The following NEK4 variants were observed in gnomAD, a reference collection of about 807,000 sequenced individuals.
NEK4 encodes the protein serine/threonine-protein kinase Nek4.
A neutral mutation model predicts 98.4 loss-of-function variants in NEK4; 86 were observed. The observed-to-expected ratio is 0.87, with a 90% CI of 0.73 to 1.05. The LOEUF (loss-of-function observed/expected upper bound fraction) is 1.05, where lower values mean the gene tolerates loss of function less well. NEK4 is among the 50% of genes least tolerant of loss of function. The pLI, the probability that NEK4 is intolerant of heterozygous loss-of-function variation, is 0.00. For missense variants in NEK4, 898 were observed against 950.3 expected (o/e 0.94, Z 0.72); for synonymous variants, 328 against 342.2 (o/e 0.96, Z 0.46).
intron 2 of NEK4, among the ~76,000 whole-genome samples, chr3:52,767,735 AAG>A (rs970895687): frequency 5.3e-5 from 8 of 152,068 alleles, no homozygotes; most frequent in Non-Finnish European, 1.0e-4. Context: ...AAAAAAAAAA[AAG>A]AGAGAAAGTA....
At chr3:52,743,675 G>C (rs1464508728) in intron 11 of NEK4, among the ~76,000 whole-genome samples, 1 of 152,174 alleles carries the variant, frequency 6.6e-6, no homozygotes, top group African/African-American at 2.4e-5. Flanking sequence ...TAACTCCTCA[G>C]AGCCTCTGTT....
intron 6 of NEK4, chr3:52,753,905 C>T: frequency 2.9e-6 from 1 of 348,246 alleles, no homozygotes; most frequent in Non-Finnish European, 5.6e-6. Context: ...CGCGGTGGCT[C>T]ACACCTATAA....
At position 52,711,647 on chromosome 3, in the gene NEK4, G is replaced by T; in HGVS notation, c.*130C>A. 3 of 633,172 alleles carry T rather than the reference G, an allele frequency of 4.7e-6. No homozygotes were observed. The South Asian group carries it at 6.4e-5, about 13-fold the overall frequency. The allele number at this position is 633,172 out of a possible 1,614,324, so 39.2% of individuals were successfully genotyped here. A position where few individuals can be genotyped will look rare whatever the true frequency, so the allele number is the denominator to read the frequency against. ...TCCAATTTCTTTTCTGTAGGGAAAC[G>T]CCAAAGAGATATAAAAAAGAGATAT... On this transcript the variant is annotated 3_prime_UTR_variant, in exon 16 of 16. Transcript: ENST00000233027.
Position 52,737,737 on chromosome 3 carries a change from A to T in NEK4, c.2300-18T>A. The stretch of plus-strand genomic sequence containing the variant: ...CATAATAGCTAAAAGGCAACAACAA[A>T]GACAAAGGGAAAAATAAACACTTTT... On this transcript the variant is annotated intron_variant, in intron 14 of 15. Coordinates refer to ENST00000233027, the MANE Select transcript of NEK4 (RefSeq NM_003157.6). 6.3e-7 allele frequency: 1 copy of T among 1,585,586 alleles called. No homozygotes were observed. Among genetic ancestry groups the T allele is most frequent in the South Asian group, 1.2e-5 (1 of 86,182 alleles).
chr3:52,727,427 G>A (rs1448134126), intron 15 of NEK4, among the ~76,000 whole-genome samples: 1 of 152,174 alleles, frequency 6.6e-6, no homozygotes, highest in Non-Finnish European at 1.5e-5. Context: ...AACCACAGTG[G>A]GATGAAGTTA....
At chr3:52,747,331 T>C in intron 8 of NEK4, 1 of 175,720 alleles carries the variant, frequency 5.7e-6, no homozygotes, top group Middle Eastern at 2.6e-3. Context: ...GGCACGCACC[T>C]GTAATCCCAG....
chr3:52,760,662 T>C (rs955960140), intron 6 of NEK4, 133 bp downstream of exon 6: 10 of 724,938 alleles, frequency 1.4e-5, no homozygotes, highest in Non-Finnish European at 2.1e-5. Context: ...GTATTCTTTC[T>C]TTACAGTAAG....
At chr3:52,730,378 CCTT>C (rs1261324232) in intron 15 of NEK4, among the ~76,000 whole-genome samples, 1 of 152,182 alleles carries the variant, frequency 6.6e-6, no homozygotes, top group East Asian at 1.9e-4. Context: ...TGATGCCAAT[CCTT>C]CTCAAACTTT....
rs773949439 is a variant in NEK4 at position 52,746,123 on chromosome 3, G to T, written c.1765C>A (p.Gln589Lys). ...VTSTQKEAENQRRVVTGSVSS... is the reference protein window; with the variant it reads ...VTSTQKEAENKRRVVTGSVSS... ...ACAGACCCAGTGACCACTCTACGTT[G>T]GTTTTCAGCCTCTTTTTGTGTTGAT... The change falls in exon 10 of 16, where the codon CAA becomes AAA. Residue 589 changes from glutamine to lysine, a missense_variant. Coordinates refer to ENST00000233027, the MANE Select transcript of NEK4 (RefSeq NM_003157.6). The T allele has an allele frequency of 6.2e-7, 1 of 1,614,068 alleles. No individual in the cohort carries two copies. Among genetic ancestry groups the T allele is most frequent in the Non-Finnish European group, 8.5e-7 (1 of 1,179,968 alleles).
chr3:52,737,564 A>T, intron 15 of NEK4, 22 bp downstream of exon 15: 1 of 1,612,464 alleles, frequency 6.2e-7, no homozygotes. Flanking sequence ...AAGCATCTTG[A>T]TACAGTTAAT....
chr3:52,737,510 T>C (rs757081383), intron 15 of NEK4, 76 bp downstream of exon 15: 2 of 1,462,680 alleles, frequency 1.4e-6, no homozygotes, highest in Non-Finnish European at 9.6e-7. Flanking sequence ...AATTGTTATG[T>C]GTGATTTATA....
Position 52,766,245 on chromosome 3 carries a change from C to G in NEK4, c.491G>C (p.Ser164Thr), listed in dbSNP as rs762422817. The change falls in exon 3 of 16, where the codon AGC becomes ACC. Residue 164 changes from serine (S) to threonine (T), a missense_variant. Coordinates refer to ENST00000233027, the MANE Select transcript of NEK4 (RefSeq NM_003157.6). ...GTAGTAGGGTGTGCCAATGAGGGTG[C>G]TAGCCATGTCACAGTGGTTCTCTAA... ...RVLENHCDMASTLIGTPYYMS... is the reference protein window; with the variant it reads ...RVLENHCDMATTLIGTPYYMS... The G allele has an allele frequency of 6.2e-7, 1 of 1,614,114 alleles. No individual in the cohort carries two copies. Among genetic ancestry groups the G allele is most frequent in the East Asian group, 2.2e-5 (1 of 44,880 alleles).
intron 8 of NEK4, among the ~76,000 whole-genome samples, chr3:52,748,281 A>C (rs2097399803): frequency 6.6e-6 from 1 of 152,076 alleles, no homozygotes; most frequent in Non-Finnish European, 1.5e-5. Flanking sequence ...TTTTTTAATA[A>C]ATTAAAAAGA....
Position 52,766,353 on chromosome 3 carries a change from A to C in NEK4, c.383T>G (p.Leu128Arg), listed in dbSNP as rs774018771. The C allele has an allele frequency of 2.5e-6, 4 of 1,613,384 alleles. No homozygotes were observed. The highest frequency in any genetic ancestry group is 3.4e-6 in the Non-Finnish European group (4 of 1,179,422). ...ATTTTGAGTTTTCAGATCTCGATGA[A>C]GGATGTGTTTTTCATGTAAATACTG... Reference protein sequence around the residue: ...ALQYLHEKHILHRDLKTQNVF... With the variant: ...ALQYLHEKHIRHRDLKTQNVF... Residue 128 changes from leucine (L) to arginine (R), a missense_variant, in exon 3 of 16, where the codon CTT (leucine) becomes CGT (arginine). Transcript: ENST00000233027.
intron 15 of NEK4, among the ~76,000 whole-genome samples, chr3:52,720,462 A>C (rs1328404723): frequency 6.6e-6 from 1 of 152,258 alleles, no homozygotes; most frequent in Non-Finnish European, 1.5e-5. Flanking sequence ...AAAGAGATCC[A>C]CAGACAGACA....
chr3:52,729,140 C>A (rs969485494), intron 15 of NEK4, among the ~76,000 whole-genome samples: 2 of 152,150 alleles, frequency 1.3e-5, no homozygotes, highest in Non-Finnish European at 1.5e-5. Context: ...TTGTGACCTA[C>A]TCCCTGCTTG....
In NEK4 at chr3:52,764,778, GCACA is replaced by G. The variant is rs56827006; in HGVS notation, c.666+1105_666+1108del. ...CGTGCGCATGCACACACACACACAT[GCACA>G]CACACACACACACACACACACACAG... On this transcript the variant is annotated intron_variant, in intron 4 of 15. Transcript: ENST00000233027. Among the ~76,000 whole-genome samples the G allele has an allele frequency of 3.1e-3, 447 of 144,924 alleles. 1 individual carries two copies. Among genetic ancestry groups the G allele is most frequent in the East Asian group, 0.011 (56 of 5,064 alleles).
chr3:52,739,357 C>G, intron 14 of NEK4, 72 bp downstream of exon 14: 1 of 1,301,832 alleles, frequency 7.7e-7, no homozygotes. Flanking sequence ...CAAGATCACA[C>G]TACTGCACTC....
At chr3:52,735,575 T>A (rs1025310804) in intron 15 of NEK4, among the ~76,000 whole-genome samples, 1 of 152,230 alleles carries the variant, frequency 6.6e-6, no homozygotes, top group African/African-American at 2.4e-5. Flanking sequence ...CTTACCAGTT[T>A]CTCTTTTTGA....
Sources: gnomAD v4.1 joint callset for allele counts (sites outside exome capture counted in the v4.1 genomes callset) on GRCh38, gnomAD v4.1.1 for gene constraint, MANE v1.5 for transcripts, NCBI Gene and HGNC (gene_info 2026-07-23, HGNC 2026-07-21) for gene names.